The following ABCC4 variants were observed in gnomAD, a reference collection of about 807,000 sequenced individuals.
ABCC4 encodes ATP binding cassette subfamily C member 4 (PEL blood group).
Under a neutral mutation model 168.5 loss-of-function variants are expected in ABCC4, and 102 were observed. The ratio of observed to expected loss-of-function variants is 0.61; its 90% CI spans 0.52 to 0.71. The LOEUF (loss-of-function observed/expected upper bound fraction) is 0.71, where lower values mean the gene tolerates loss of function less well. Ranked by LOEUF, ABCC4 falls within the 30% of genes least tolerant of loss-of-function variation. The pLI is 0.00. For synonymous variants in ABCC4, 617 were observed against 590.7 expected (o/e 1.04, Z -0.65); for missense variants, 1,402 against 1,605.8 (o/e 0.87, Z 2.17).
chr13:95,098,415 CT>C (rs1218981933), intron 20 of ABCC4, among the ~76,000 whole-genome samples: 3 of 151,802 alleles, frequency 2.0e-5, no homozygotes, highest in African/African-American at 7.3e-5. Flanking sequence ...CATGAATTCA[CT>C]GGAAAAAAAA....
At chr13:95,244,668 A>AT (rs1166891901) in intron 3 of ABCC4, among the ~76,000 whole-genome samples, 2,028 of 132,796 alleles carry the variant, frequency 0.015, 116 homozygotes, top group Non-Finnish European at 0.023. Flanking sequence ...AAAGAAAGAA[A>AT]GAAATCATAG....
chr13:95,260,482 G>T (rs1043325693), intron 1 of ABCC4, among the ~76,000 whole-genome samples: 117 of 152,266 alleles, frequency 7.7e-4, no homozygotes, highest in African/African-American at 2.7e-3. Context: ...CATCTGTACG[G>T]TAGAGAGAAG....
In ABCC4 at chr13:95,102,535, C is replaced by T. The variant is rs187956690; in HGVS notation, c.2535+13387G>A. 2.0e-4 allele frequency among the ~76,000 whole-genome samples: 31 copies of T among 152,186 alleles called. No homozygotes were observed. In the East Asian group the frequency reaches 3.9e-3, roughly 19 times the overall value. ...CTGACCTTGAGCAATCCTCTCACTT[C>T]GGCCTCCCAAAGTTCTGGGATTACA... On this transcript the variant is annotated intron_variant, in intron 20 of 30. Transcript: ENST00000645237.
chr13:95,084,888 C>T (rs1436415165), intron 20 of ABCC4, among the ~76,000 whole-genome samples: 3 of 152,180 alleles, frequency 2.0e-5, no homozygotes, highest in Non-Finnish European at 4.4e-5. Context: ...AGCATAAAAA[C>T]CCAAGACACT....
intron 3 of ABCC4, among the ~76,000 whole-genome samples, chr13:95,236,076 G>A (rs754298887): frequency 1.3e-5 from 2 of 152,088 alleles, no homozygotes; most frequent in African/African-American, 2.4e-5. Context: ...ACAGCAGAAC[G>A]CAGCTTGAGC....
intron 19 of ABCC4, among the ~76,000 whole-genome samples, chr13:95,124,407 T>G (rs1566440933): frequency 6.6e-6 from 1 of 151,906 alleles, no homozygotes; most frequent in South Asian, 2.1e-4. Context: ...GTCATCCCAC[T>G]GCTGCCAGGC....
At chr13:95,132,676 C>A (rs1286141553) in intron 19 of ABCC4, among the ~76,000 whole-genome samples, 1 of 152,112 alleles carries the variant, frequency 6.6e-6, no homozygotes, top group African/African-American at 2.4e-5. Flanking sequence ...TGAATCTGAG[C>A]ACCCACAGAT....
intron 8 of ABCC4, among the ~76,000 whole-genome samples, chr13:95,203,361 G>C (rs1332071596): frequency 1.5e-5 from 2 of 134,074 alleles, no homozygotes; most frequent in Admixed American, 1.6e-4. Context: ...TTTGGAGACA[G>C]AGCCTCACTC....
At chr13:95,063,376 G>A (rs780626554) in intron 25 of ABCC4, among the ~76,000 whole-genome samples, 4 of 152,082 alleles carry the variant, frequency 2.6e-5, no homozygotes, top group Non-Finnish European at 5.9e-5. Flanking sequence ...TGACATAAAC[G>A]AGTATTCATT....
intron 19 of ABCC4, among the ~76,000 whole-genome samples, chr13:95,130,417 C>G (rs1281694722): frequency 1.3e-5 from 2 of 152,166 alleles, no homozygotes; most frequent in African/African-American, 2.4e-5. Flanking sequence ...TTCTGCTGCT[C>G]TGACAGTACA....
At chr13:95,044,923 G>A (rs1824984856) in intron 27 of ABCC4, among the ~76,000 whole-genome samples, 1 of 152,306 alleles carries the variant, frequency 6.6e-6, no homozygotes, top group African/African-American at 2.4e-5. Context: ...GGGTAAGAGA[G>A]ATGTTTTAAA....
chr13:95,145,459 TAAAA>T (rs879937738), intron 19 of ABCC4, among the ~76,000 whole-genome samples: 1 of 117,848 alleles, frequency 8.5e-6, no homozygotes, highest in Non-Finnish European at 1.8e-5. Flanking sequence ...CATCTCTACC[TAAAA>T]AAAAAAAAAA....
chr13:95,219,645 T>C (rs186848079), intron 4 of ABCC4, among the ~76,000 whole-genome samples: 43 of 152,108 alleles, frequency 2.8e-4, no homozygotes, highest in Non-Finnish European at 5.6e-4. Flanking sequence ...TAAGAGACTA[T>C]AGGCATGTGC....
chr13:95,218,968 A>C (rs1566539710), intron 4 of ABCC4, among the ~76,000 whole-genome samples: 1 of 40,804 alleles, frequency 2.5e-5, no homozygotes, highest in East Asian at 3.9e-4. Context: ...AAAGAAAGAA[A>C]GAAAGAAAGA....
At chr13:95,083,713 G>A (rs142727285) in intron 20 of ABCC4, among the ~76,000 whole-genome samples, 10 of 151,922 alleles carry the variant, frequency 6.6e-5, no homozygotes, top group African/African-American at 2.4e-4. Context: ...AGTAGAGATG[G>A]TGTTTCACCA....
At chr13:95,132,080 C>T (rs1392210300) in intron 19 of ABCC4, among the ~76,000 whole-genome samples, 1 of 152,138 alleles carries the variant, frequency 6.6e-6, no homozygotes, top group Non-Finnish European at 1.5e-5. Context: ...AATGGATAAA[C>T]GAAAGATGGT....
intron 4 of ABCC4, among the ~76,000 whole-genome samples, chr13:95,220,771 CA>C (rs1237165029): frequency 1.3e-5 from 2 of 152,332 alleles, no homozygotes; most frequent in Non-Finnish European, 2.9e-5. Flanking sequence ...CCTGTGCCCA[CA>C]GCTATTACCC....
intron 1 of ABCC4, among the ~76,000 whole-genome samples, chr13:95,252,673 A>G (rs916292703): frequency 6.6e-6 from 1 of 152,232 alleles, no homozygotes; most frequent in African/African-American, 2.4e-5. Flanking sequence ...AGACTGTCTC[A>G]AAAACAAAAC....
At chr13:95,292,194 CA>C (rs1458154745) in intron 1 of ABCC4, among the ~76,000 whole-genome samples, 1 of 151,962 alleles carries the variant, frequency 6.6e-6, no homozygotes, top group African/African-American at 2.4e-5. Context: ...TTCATCTCTA[CA>C]AAAAATATAA....
Sources: gnomAD v4.1 joint callset for allele counts (sites outside exome capture counted in the v4.1 genomes callset) on GRCh38, gnomAD v4.1.1 for gene constraint, MANE v1.5 for transcripts, NCBI Gene and HGNC (gene_info 2026-07-23, HGNC 2026-07-21) for gene names.